The following SKAP1 variants were observed in gnomAD, a reference collection of about 807,000 sequenced individuals.
SKAP1 encodes the protein src kinase associated phosphoprotein 1.
A neutral mutation model predicts 58.5 loss-of-function variants in SKAP1; 44 were observed. The ratio of observed to expected loss-of-function variants is 0.75; its 90% CI spans 0.59 to 0.97. SKAP1 has a LOEUF of 0.97. Ranked by LOEUF, SKAP1 falls within the 50% of genes least tolerant of loss-of-function variation. SKAP1 has a pLI of 0.00. For synonymous variants in SKAP1, 127 were observed against 149.7 expected (o/e 0.85, Z 1.11); for missense variants, 390 against 435.2 (o/e 0.90, Z 0.92).
At chr17:48,169,328 C>G (rs758548046) in intron 10 of SKAP1, among the ~76,000 whole-genome samples, 11 of 152,126 alleles carry the variant, frequency 7.2e-5, no homozygotes, top group Non-Finnish European at 1.6e-4. Context: ...GTTACTCCAC[C>G]CAAGCTGTCC....
At chr17:48,336,175 T>C (rs1240454166) in intron 4 of SKAP1, among the ~76,000 whole-genome samples, 1 of 152,148 alleles carries the variant, frequency 6.6e-6, no homozygotes, top group Admixed American at 6.5e-5. Flanking sequence ...CATAATACAT[T>C]AAAGCATTAA....
intron 4 of SKAP1, among the ~76,000 whole-genome samples, chr17:48,310,461 A>C (rs1051620006): frequency 6.6e-6 from 1 of 152,172 alleles, no homozygotes; most frequent in Non-Finnish European, 1.5e-5. Flanking sequence ...AATGAAACTA[A>C]ATTTCTGTCA....
In SKAP1 at chr17:48,288,404, C is replaced by T. The variant is rs139207482; in HGVS notation, c.280+57501G>A. Among the ~76,000 whole-genome samples the T allele has an allele frequency of 7.4e-3, 1,122 of 152,176 alleles. 11 individuals carry two copies. The highest frequency in any genetic ancestry group is 0.022 in the African/African-American group (896 of 41,534). On this transcript the variant is annotated intron_variant, in intron 4 of 12. Transcript: ENST00000336915. ...GACTACCAGATTGAAAATAAATTTA[C>T]GCTGGGTGCAGTGGCTCACACCTGT...
chr17:48,291,113 G>A (rs2065892391), intron 4 of SKAP1, among the ~76,000 whole-genome samples: 1 of 152,132 alleles, frequency 6.6e-6, no homozygotes, highest in African/African-American at 2.4e-5. Flanking sequence ...AGTAGACCCT[G>A]TCTTAAACAA....
At chr17:48,279,567 G>A (rs2065742810) in intron 4 of SKAP1, among the ~76,000 whole-genome samples, 1 of 152,170 alleles carries the variant, frequency 6.6e-6, no homozygotes, top group Non-Finnish European at 1.5e-5. Context: ...AATGATACAT[G>A]TGGACCATTT....
chr17:48,307,545 A>G (rs1408082674), intron 4 of SKAP1: 1 of 152,246 alleles, frequency 6.6e-6, no homozygotes, highest in Non-Finnish European at 1.5e-5. Flanking sequence ...TTCAATTTAC[A>G]TCAAGCCATG....
chr17:48,150,883 A>G (rs1026796935), intron 11 of SKAP1, among the ~76,000 whole-genome samples: 2 of 152,226 alleles, frequency 1.3e-5, no homozygotes, highest in Non-Finnish European at 2.9e-5. Context: ...TCCACGTCCA[A>G]GTTCTGCCTA....
At chr17:48,389,614 T>C (rs983728449) in intron 2 of SKAP1, among the ~76,000 whole-genome samples, 1 of 152,158 alleles carries the variant, frequency 6.6e-6, no homozygotes. Flanking sequence ...GTGGGATTGA[T>C]TTTTTTCCCA....
intron 4 of SKAP1, among the ~76,000 whole-genome samples, chr17:48,191,986 C>T (rs1452661): frequency 0.83 from 126,386 of 152,088 alleles, 52,577 homozygotes; most frequent in East Asian, 0.95. Context: ...GGACCAGTTA[C>T]AGAAGAGAAG....
At chr17:48,294,534 T>C (rs2065939566) in intron 4 of SKAP1, 2 of 152,146 alleles carry the variant, frequency 1.3e-5, no homozygotes, top group African/African-American at 2.4e-5. Context: ...TTTACATGCA[T>C]GTAATTTGTG....
rs564317183 is a variant in SKAP1 at position 48,265,914 on chromosome 17, T to G, written c.281-76414A>C. ...AGGTTGTCCAAGTTTTCAACTTAAC[T>G]TATTTTTAAAACCTCTTTTCTTTAG... On this transcript the variant is annotated intron_variant, in intron 4 of 12. Coordinates refer to ENST00000336915, the MANE Select transcript of SKAP1 (RefSeq NM_003726.4). 9.8e-5 allele frequency among the ~76,000 whole-genome samples: 15 copies of G among 152,366 alleles called. No homozygotes were observed. In the South Asian group the frequency reaches 3.1e-3, roughly 32 times the overall value.
chr17:48,277,922 T>G (rs2065720157), intron 4 of SKAP1, among the ~76,000 whole-genome samples: 1 of 152,176 alleles, frequency 6.6e-6, no homozygotes, highest in African/African-American at 2.4e-5. Flanking sequence ...TAAAGGAAAT[T>G]ATGAATAGTA....
At chr17:48,195,095 G>C (rs182535974) in intron 4 of SKAP1, among the ~76,000 whole-genome samples, 1 of 152,204 alleles carries the variant, frequency 6.6e-6, no homozygotes, top group East Asian at 1.9e-4. Context: ...TTGGGGAGGG[G>C]GTAGTTTTCT....
chr17:48,413,224 G>A (rs573069964), intron 1 of SKAP1, among the ~76,000 whole-genome samples: 1 of 151,940 alleles, frequency 6.6e-6, no homozygotes, highest in East Asian at 1.9e-4. Context: ...TAAAACATTT[G>A]CTTTTCAGGG....
chr17:48,312,419 C>T (rs531649551), intron 4 of SKAP1, among the ~76,000 whole-genome samples: 21 of 152,302 alleles, frequency 1.4e-4, no homozygotes, highest in African/African-American at 4.1e-4. Flanking sequence ...ATTAGGATGA[C>T]GTAGAATCCA....
intron 4 of SKAP1, among the ~76,000 whole-genome samples, chr17:48,302,717 G>A (rs2066077311): frequency 6.6e-6 from 1 of 152,220 alleles, no homozygotes; most frequent in African/African-American, 2.4e-5. Context: ...ATGAGTTTCT[G>A]TGGTGCATTC....
chr17:48,311,579 G>T (rs961363315), intron 4 of SKAP1, among the ~76,000 whole-genome samples: 10 of 152,102 alleles, frequency 6.6e-5, no homozygotes, highest in African/African-American at 2.4e-4. Flanking sequence ...TAATATCATG[G>T]CAGTGCTATT....
At chr17:48,136,417 C>G (rs1046405289) in intron 12 of SKAP1, 1 of 152,342 alleles carries the variant, frequency 6.6e-6, no homozygotes, top group East Asian at 1.9e-4. Flanking sequence ...ATGATCCGCC[C>G]GCCTCGGACT....
chr17:48,182,213 G>C (rs1178866645), intron 8 of SKAP1, among the ~76,000 whole-genome samples, 181 bp downstream of exon 8: 1 of 152,168 alleles, frequency 6.6e-6, no homozygotes, highest in African/African-American at 2.4e-5. Flanking sequence ...GGTTGATACT[G>C]TCTTTATCTT....
Sources: gnomAD v4.1 joint callset for allele counts (sites outside exome capture counted in the v4.1 genomes callset) on GRCh38, gnomAD v4.1.1 for gene constraint, MANE v1.5 for transcripts, NCBI Gene and HGNC (gene_info 2026-07-23, HGNC 2026-07-21) for gene names.